MS4A4E: variants seen among roughly 807,000 people sequenced by gnomAD.
MS4A4E encodes putative membrane-spanning 4-domains subfamily A member 4E.
A neutral mutation model predicts 13.3 loss-of-function variants in MS4A4E; 23 were observed. That is an observed-to-expected ratio of 1.73 (90% confidence interval 1.25 to 2.45). The LOEUF (loss-of-function observed/expected upper bound fraction) is 2.45. Ranked by LOEUF, MS4A4E falls within the 30% of genes most tolerant of loss-of-function variation. MS4A4E has a pLI of 0.00. For synonymous variants in MS4A4E, 36 were observed against 45.6 expected (o/e 0.79, Z 0.85); for missense variants, 144 against 131.2 (o/e 1.10, Z -0.48).
rs1207250398 is a variant in MS4A4E, at chr11:60,228,589, C to T, written c.178+5G>A. 1.4e-6 allele frequency: 1 copy of T among 697,918 alleles called. No homozygotes were observed. The highest frequency in any genetic ancestry group is 1.5e-5 in the South Asian group (1 of 65,992). The allele number at this position is 697,918 out of a possible 1,614,324, so 43.2% of individuals were successfully genotyped here. ...CTTACAATACAATATAGTAATCATACTTACCCGAATGAGTTGAAAACTTAT... is the reference window on the plus strand; with the variant it reads ...CTTACAATACAATATAGTAATCATATTTACCCGAATGAGTTGAAAACTTAT... On this transcript the variant is annotated splice_donor_5th_base_variant and intron_variant, in intron 3 of 8. Coordinates refer to ENST00000651255, the MANE Select transcript of MS4A4E (RefSeq NM_001393391.1).
chr11:60,224,971 T>C, intron 3 of MS4A4E: 10 of 1,520,626 alleles, frequency 6.6e-6, no homozygotes, highest in Non-Finnish European at 8.8e-6. Context: ...TTACCATCAC[T>C]GACCCCCAAA....
intron 3 of MS4A4E, chr11:60,225,012 G>A (rs1378647739): frequency 6.5e-7 from 1 of 1,546,494 alleles, no homozygotes; most frequent in African/African-American, 1.4e-5. Context: ...AAAATGGGAT[G>A]TTCTTCATAA....
chr11:60,230,908 T>C (rs2084402000), intron 1 of MS4A4E, among the ~76,000 whole-genome samples: 1 of 152,174 alleles, frequency 6.6e-6, no homozygotes, highest in Non-Finnish European at 1.5e-5. Flanking sequence ...CTTCAAGTCA[T>C]AGTTGATTTC....
Position 60,242,952 on chromosome 11 carries a change from A to T in MS4A4E, c.-17+6T>A, listed in dbSNP as rs1311661998. On this transcript the variant is annotated splice_donor_region_variant and intron_variant, in intron 1 of 8. Coordinates refer to ENST00000651255, the MANE Select transcript of MS4A4E (RefSeq NM_001393391.1). ...AGAGCCTAGGAAGGCAAGTCCCTGGACCTACCTTTCTTCAGGCCTGCAATG... is the reference window on the plus strand; with the variant it reads ...AGAGCCTAGGAAGGCAAGTCCCTGGTCCTACCTTTCTTCAGGCCTGCAATG... 1 of 1,570,176 alleles carries T rather than the reference A, an allele frequency of 6.4e-7. No individual in the cohort carries two copies. The highest frequency in any genetic ancestry group is 8.7e-7 in the Non-Finnish European group (1 of 1,144,560).
At chr11:60,225,773 G>A (rs1216115012) in intron 3 of MS4A4E, among the ~76,000 whole-genome samples, 1 of 151,498 alleles carries the variant, frequency 6.6e-6, no homozygotes, top group Non-Finnish European at 1.5e-5. Context: ...TAAACTCCAA[G>A]TAAGCGGAAG....
intron 3 of MS4A4E, among the ~76,000 whole-genome samples, chr11:60,215,231 A>G (rs1270462033): frequency 6.6e-6 from 1 of 151,942 alleles, no homozygotes; most frequent in Non-Finnish European, 1.5e-5. Context: ...AAACTGGACT[A>G]ATAAAATAGC....
At position 60,200,559 on chromosome 11, in the gene MS4A4E, T is replaced by C. The variant is rs564174212; in HGVS notation, c.*984A>G. Among the ~76,000 whole-genome samples, 3 of 152,170 alleles carry C rather than the reference T, an allele frequency of 2.0e-5. No individual in the cohort carries two copies. The highest frequency in any genetic ancestry group is 4.4e-5 in the Non-Finnish European group (3 of 68,020). On this transcript the variant is annotated 3_prime_UTR_variant, in exon 9 of 9. Coordinates refer to ENST00000651255, the MANE Select transcript of MS4A4E (RefSeq NM_001393391.1). Reference sequence around the variant, plus strand: ...CACCTTGCACCGCCCTTAATCCATTTAACCCTGAGTGGACACAGCACATGT... The same window carrying C: ...CACCTTGCACCGCCCTTAATCCATTCAACCCTGAGTGGACACAGCACATGT...
In MS4A4E at chr11:60,239,461, T is replaced by C. The variant is rs571567023; in HGVS notation, c.-17+3497A>G. On this transcript the variant is annotated intron_variant, in intron 1 of 8. Transcript: ENST00000651255. Reference sequence around the variant, plus strand: ...AGGGGCTTTATTCCTGGCATGACCCTGCTCCAACCTGTCCTGTCTTGGGGG... The same window carrying C: ...AGGGGCTTTATTCCTGGCATGACCCCGCTCCAACCTGTCCTGTCTTGGGGG... Among the ~76,000 whole-genome samples the C allele has an allele frequency of 2.6e-5, 4 of 152,312 alleles. No individual in the cohort carries two copies. In the East Asian group the frequency reaches 7.7e-4, roughly 29 times the overall value.
chr11:60,203,498 C>T (rs754751547), intron 8 of MS4A4E, among the ~76,000 whole-genome samples: 1 of 152,144 alleles, frequency 6.6e-6, no homozygotes, highest in Non-Finnish European at 1.5e-5. Flanking sequence ...CCTGTACTCC[C>T]AGCACTTTGG....
intron 1 of MS4A4E, among the ~76,000 whole-genome samples, chr11:60,234,012 T>C (rs1241840309): frequency 2.0e-5 from 3 of 152,234 alleles, no homozygotes; most frequent in African/African-American, 7.2e-5. Flanking sequence ...AAAACATAAT[T>C]CTGTTTTCTC....
At chr11:60,234,806 C>T (rs1487171440) in intron 1 of MS4A4E, among the ~76,000 whole-genome samples, 1 of 131,432 alleles carries the variant, frequency 7.6e-6, no homozygotes, top group Non-Finnish European at 1.6e-5. Context: ...CAAAATGGCA[C>T]TACTAACTAC....
At chr11:60,205,677 C>T (rs775530662) in intron 7 of MS4A4E, among the ~76,000 whole-genome samples, 37 bp downstream of exon 7, 1 of 152,098 alleles carries the variant, frequency 6.6e-6, no homozygotes, top group African/African-American at 2.4e-5. Context: ...AAGATGAAAA[C>T]CCAGGGTTGT....
chr11:60,211,579 A>C (rs767560877), intron 5 of MS4A4E, among the ~76,000 whole-genome samples: 7 of 152,158 alleles, frequency 4.6e-5, no homozygotes, highest in African/African-American at 1.7e-4. Context: ...AAAGTAACTG[A>C]AAGTTTGGTG....
At chr11:60,205,610 T>C (rs1328185071) in intron 7 of MS4A4E, among the ~76,000 whole-genome samples, 104 bp downstream of exon 7, 1 of 152,222 alleles carries the variant, frequency 6.6e-6, no homozygotes, top group African/African-American at 2.4e-5. Context: ...GAAGCACAGA[T>C]AAATTTTGTG....
intron 3 of MS4A4E, among the ~76,000 whole-genome samples, chr11:60,219,822 C>A (rs1189393213): frequency 1.3e-5 from 2 of 152,118 alleles, no homozygotes; most frequent in Non-Finnish European, 2.9e-5. Flanking sequence ...CCAGGGGACC[C>A]AAAAAGTCAT....
At chr11:60,223,405 C>T (rs192036796) in intron 3 of MS4A4E, among the ~76,000 whole-genome samples, 1 of 152,234 alleles carries the variant, frequency 6.6e-6, no homozygotes, top group Admixed American at 6.5e-5. Flanking sequence ...TTATGTTAGG[C>T]ATAATTTTGG....
At chr11:60,219,966 T>A (rs917928789) in intron 3 of MS4A4E, among the ~76,000 whole-genome samples, 1 of 151,932 alleles carries the variant, frequency 6.6e-6, no homozygotes, top group African/African-American at 2.4e-5. Context: ...CCAGAATGCA[T>A]AATTGACACA....
chr11:60,211,915 CAA>C (rs906451621), intron 5 of MS4A4E, among the ~76,000 whole-genome samples: 7 of 152,130 alleles, frequency 4.6e-5, no homozygotes, highest in African/African-American at 1.7e-4. Context: ...GCCTGGGCAA[CAA>C]GAGTGAAACT....
intron 3 of MS4A4E, among the ~76,000 whole-genome samples, chr11:60,221,155 A>G (rs1386235528): frequency 6.6e-6 from 1 of 152,140 alleles, no homozygotes; most frequent in East Asian, 1.9e-4. Flanking sequence ...TTGCCCTGTT[A>G]CTGGACTTTG....
Sources: gnomAD v4.1 joint callset for allele counts (sites outside exome capture counted in the v4.1 genomes callset) on GRCh38, gnomAD v4.1.1 for gene constraint, MANE v1.5 for transcripts, NCBI Gene and HGNC (gene_info 2026-07-23, HGNC 2026-07-21) for gene names.